The following RCC2 variants were observed in gnomAD, a reference collection of about 807,000 sequenced individuals.
The protein encoded by RCC2 is protein RCC2.
RCC2 carries 19 observed loss-of-function variants against 64.1 expected under a neutral mutation model. The ratio of observed to expected loss-of-function variants is 0.30; its 90% CI spans 0.21 to 0.44. The LOEUF is 0.44. RCC2 is among the 20% of genes least tolerant of loss of function. RCC2 has a pLI of 1.00. For synonymous variants in RCC2, 325 were observed against 279.6 expected, an observed-to-expected ratio of 1.16 and a Z score of -1.62; for missense variants, 508 against 710.4, an observed-to-expected ratio of 0.72 and a Z score of 3.24.
chr1:17,430,511 G>A (rs1383878800), intron 2 of RCC2, among the ~76,000 whole-genome samples: 1 of 150,796 alleles, frequency 6.6e-6, no homozygotes, highest in Non-Finnish European at 1.5e-5. Context: ...AAGGGGGCCA[G>A]GCACAGTGGC....
rs1270073744 is a variant in RCC2 at position 17,407,223 on chromosome 1, G to A, written c.*1867C>T. Reference sequence around the variant, plus strand: ...TCTAAGTCCAGCTAAGCCCAGGGAGGCTCCTGCAAAGGCTGGGACCTCGGG... The same window carrying A: ...TCTAAGTCCAGCTAAGCCCAGGGAGACTCCTGCAAAGGCTGGGACCTCGGG... On this transcript the variant is annotated 3_prime_UTR_variant, in exon 13 of 13. Transcript: ENST00000375436. 3 of 152,040 alleles carry A rather than the reference G, an allele frequency of 2.0e-5. No homozygotes were observed. The highest frequency in any genetic ancestry group is 4.8e-5 in the African/African-American group (2 of 41,390). 9.4% of individuals were successfully genotyped at this position (152,040 alleles called of 1,614,324 possible).
intron 4 of RCC2, 99 bp downstream of exon 4, chr1:17,425,442 T>C (rs1036844985): frequency 6.3e-6 from 8 of 1,268,208 alleles, no homozygotes; most frequent in Middle Eastern, 2.8e-4. Context: ...CCCAGCCTTA[T>C]AAGACGCGAG....
In RCC2 at chr1:17,425,627, G is replaced by A. The variant is rs759838672; in HGVS notation, c.437C>T (p.Ala146Val). The change falls in exon 4 of 13, where the codon GCG (alanine) becomes GTG (valine). Residue 146 changes from alanine (A) to valine (V), a missense_variant. Ala to Val is a moderately conservative substitution (Grantham distance 64). Coordinates refer to ENST00000375436, the MANE Select transcript of RCC2 (RefSeq NM_018715.4). The part of the protein sequence containing the change: ...LWGPHRYGCL[A>V]GVRVRTVVSG... The stretch of plus-strand genomic sequence containing the variant: ...GACCACTGTCCGCACCCGGACCCCC[G>A]CCAGGCACCCATATCTGTGGGGCCC... 3.7e-6 allele frequency: 6 copies of A among 1,614,076 alleles called. No homozygotes were observed. The highest frequency in any genetic ancestry group is 2.2e-5 in the East Asian group (1 of 44,850).
chr1:17,424,197 C>T (rs1028578489), intron 4 of RCC2, among the ~76,000 whole-genome samples: 22 of 152,342 alleles, frequency 1.4e-4, no homozygotes, highest in African/African-American at 4.3e-4. Context: ...ACGCCGCCCC[C>T]TGCCTTCTAG....
At chr1:17,419,825 A>G (rs1036972147) in intron 7 of RCC2, among the ~76,000 whole-genome samples, 4 of 152,192 alleles carry the variant, frequency 2.6e-5, no homozygotes, top group Non-Finnish European at 5.9e-5. Context: ...CCGCTCTCCA[A>G]CTGTCTCGGG....
intron 8 of RCC2, 51 bp downstream of exon 8, chr1:17,416,429 C>A: frequency 6.4e-7 from 1 of 1,558,144 alleles, no homozygotes; most frequent in Non-Finnish European, 8.7e-7. Flanking sequence ...AGCATAAACA[C>A]CCCTTCCATC....
intron 2 of RCC2, among the ~76,000 whole-genome samples, chr1:17,432,794 A>G (rs1240418402): frequency 1.3e-5 from 2 of 152,320 alleles, no homozygotes; most frequent in East Asian, 1.9e-4. Flanking sequence ...AACCACGCCA[A>G]TAAAAATGTA....
At chr1:17,409,246 T>C (rs1423503100) in intron 12 of RCC2, 52 bp from the exon 13 acceptor site, 5 of 1,150,968 alleles carry the variant, frequency 4.3e-6, no homozygotes, top group East Asian at 2.3e-5. Context: ...GACTAATCAA[T>C]GCGTTGAAGA....
At chr1:17,438,148 G>A (rs2075760507) in intron 2 of RCC2, 82 bp downstream of exon 2, 6 of 1,030,200 alleles carry the variant, frequency 5.8e-6, no homozygotes, top group South Asian at 4.5e-5. Context: ...GGCGGCCCCC[G>A]GCTGGAACGC....
chr1:17,430,139 A>G (rs2075659948), intron 2 of RCC2, among the ~76,000 whole-genome samples: 1 of 152,174 alleles, frequency 6.6e-6, no homozygotes, highest in Non-Finnish European at 1.5e-5. Flanking sequence ...CACTGCTATC[A>G]CTTTCCGCTC....
rs755608925 is a variant in RCC2 at position 17,416,597 on chromosome 1, G to A, written c.909C>T (p.Tyr303=). 6.2e-6 allele frequency: 10 copies of A among 1,613,864 alleles called. No homozygotes were observed. In the African/African-American group the frequency reaches 6.7e-5, roughly 11 times the overall value. ...CTCGCCGGGGAACTAGTTCACAGTCGTACTCTATCCGCTGTGCCCGGGCGA... is the reference window on the plus strand; with the variant it reads ...CTCGCCGGGGAACTAGTTCACAGTCATACTCTATCCGCTGTGCCCGGGCGA... ...KFIARAQRIE[Y]DCELVPRRVA... The change falls in exon 8 of 13, where the codon TAC becomes TAT. Residue 303 remains tyrosine, a synonymous_variant. Transcript: ENST00000375436.
intron 2 of RCC2, 64 bp downstream of exon 2, chr1:17,438,166 G>T: frequency 9.1e-7 from 1 of 1,098,590 alleles, no homozygotes. Flanking sequence ...CGCGCGCCGT[G>T]CCGCGTCGCT....
chr1:17,416,727 G>C (rs2075490515), intron 7 of RCC2, 81 bp from the exon 8 acceptor site: 1 of 1,442,912 alleles, frequency 6.9e-7, no homozygotes, highest in South Asian at 1.4e-5. Context: ...ACTCTGTAGT[G>C]AGCCCCGGCA....
At chr1:17,417,996 A>G (rs931870408) in intron 7 of RCC2, among the ~76,000 whole-genome samples, 13 of 151,946 alleles carry the variant, frequency 8.6e-5, no homozygotes, top group African/African-American at 3.1e-4. Flanking sequence ...TAATCTAGAG[A>G]TGATTTTAAG....
chr1:17,420,339 A>G lies in RCC2; in HGVS notation c.859+375T>C, dbSNP rs145949798. Among the ~76,000 whole-genome samples the G allele has an allele frequency of 5.9e-3, 906 of 152,346 alleles. 7 individuals carry two copies. Among genetic ancestry groups the G allele is most frequent in the African/African-American group, 0.021 (865 of 41,568 alleles). On this transcript the variant is annotated intron_variant, in intron 7 of 12. Transcript: ENST00000375436. ...TAATCGCCCAGGCCAGGGTTTCCAG[A>G]ACAACGTTCATTTTCCGTAATTTTC...
intron 1 of RCC2, among the ~76,000 whole-genome samples, chr1:17,439,032 C>G (rs1358766332): frequency 1.3e-5 from 2 of 152,006 alleles, no homozygotes; most frequent in African/African-American, 4.8e-5. Flanking sequence ...ACGCTCTCCC[C>G]CACCCCGCAT....
chr1:17,438,838 A>C (rs961067398), intron 1 of RCC2, among the ~76,000 whole-genome samples: 1 of 152,040 alleles, frequency 6.6e-6, no homozygotes, highest in African/African-American at 2.4e-5. Context: ...CTCGCCCCCC[A>C]AAAGTAAAGG....
At chr1:17,437,140 T>G (rs1240949284) in intron 2 of RCC2, among the ~76,000 whole-genome samples, 6 of 152,200 alleles carry the variant, frequency 3.9e-5, no homozygotes, top group Non-Finnish European at 7.3e-5. Context: ...GTGCCCCAGT[T>G]TCCCTATCTA....
At chr1:17,423,440 C>A (rs1163698299) in intron 4 of RCC2, among the ~76,000 whole-genome samples, 1 of 152,216 alleles carries the variant, frequency 6.6e-6, no homozygotes, top group Non-Finnish European at 1.5e-5. Context: ...ACAGATCCAC[C>A]CTCAACACAA....
Sources: allele counts gnomAD v4.1 joint callset (sites outside exome capture counted in the v4.1 genomes callset), GRCh38; gene constraint gnomAD v4.1.1; transcripts MANE v1.5; gene names NCBI Gene and HGNC (gene_info 2026-07-23, HGNC 2026-07-21).